The following PARP14 variants were observed in gnomAD, a reference collection of about 807,000 sequenced individuals.
PARP14 encodes the protein protein mono-ADP-ribosyltransferase PARP14.
PARP14 carries 59 observed loss-of-function variants against 154.2 expected under a neutral mutation model. The ratio of observed to expected loss-of-function variants is 0.38; its 90% CI spans 0.31 to 0.48. The LOEUF (loss-of-function observed/expected upper bound fraction) is 0.48, where lower values mean the gene tolerates loss of function less well. Among genes scored for constraint, PARP14 ranks in the 20% least tolerant of loss-of-function variants. The pLI is 0.98. For missense variants in PARP14, 1,734 were observed against 2,131.6 expected (o/e 0.81, Z 3.67); for synonymous variants, 720 against 780.5 (o/e 0.92, Z 1.29).
chr3:122,702,993 TAAA>T (rs10707029), intron 6 of PARP14, among the ~76,000 whole-genome samples: 1 of 83,948 alleles, frequency 1.2e-5, no homozygotes, highest in African/African-American at 4.5e-5. Flanking sequence ...CCCTCTCTCT[TAAA>T]AAAAAAAAAA....
At chr3:122,727,722 A>C in intron 15 of PARP14, 90 bp from the exon 16 acceptor site, 1 of 779,628 alleles carries the variant, frequency 1.3e-6, no homozygotes, top group Non-Finnish European at 2.0e-6. Flanking sequence ...GTGTGCTTTT[A>C]TTTATGAAAC....
At chr3:122,697,078 G>C (rs561259404) in intron 5 of PARP14, among the ~76,000 whole-genome samples, 3 of 152,214 alleles carry the variant, frequency 2.0e-5, no homozygotes, top group Admixed American at 1.3e-4. Context: ...TCAGCCTCCA[G>C]AGTAGCTGGG....
chr3:122,717,742 C>G (rs1933034146), intron 12 of PARP14, among the ~76,000 whole-genome samples: 1 of 152,152 alleles, frequency 6.6e-6, no homozygotes. Flanking sequence ...AGTAGAAAAG[C>G]TACTTGTGCT....
rs1268487896 is a variant in PARP14, at chr3:122,718,202, G to A, written c.4132G>A (p.Val1378Met). 2 of 1,613,636 alleles carry A rather than the reference G, an allele frequency of 1.2e-6. No homozygotes were observed. The highest frequency in any genetic ancestry group is 2.2e-5 in the East Asian group (1 of 44,874). ...TATCTTTCTGCCTCAAGTACTGGAT[G>A]TGTTTTATGCCAACATGAAGAAAAG... is the stretch of plus-strand genomic sequence containing the variant. ...VVIFLPQVLD[V>M]FYANMKKREG... The change falls in exon 13 of 17, where the codon GTG becomes ATG. Residue 1378 changes from valine to methionine, a missense_variant. Transcript: ENST00000474629.
chr3:122,726,148 A>ATATT (rs1455551779), intron 15 of PARP14, among the ~76,000 whole-genome samples: 1 of 152,152 alleles, frequency 6.6e-6, no homozygotes, highest in East Asian at 1.9e-4. Context: ...TAATTTGTTT[A>ATATT]TATTTATTTA....
intron 15 of PARP14, among the ~76,000 whole-genome samples, chr3:122,723,928 T>C (rs1252915077): frequency 6.6e-6 from 1 of 152,190 alleles, no homozygotes; most frequent in African/African-American, 2.4e-5. Flanking sequence ...TTTTGAAGAA[T>C]AAATGTTCTT....
intron 1 of PARP14, among the ~76,000 whole-genome samples, chr3:122,682,413 G>A (rs1576576965): frequency 6.6e-6 from 1 of 152,140 alleles, no homozygotes; most frequent in African/African-American, 2.4e-5. Flanking sequence ...AGAGATTCAG[G>A]TTCAGTGAAT....
At chr3:122,709,019 A>G (rs1470690170) in intron 9 of PARP14, among the ~76,000 whole-genome samples, 1 of 152,128 alleles carries the variant, frequency 6.6e-6, no homozygotes, top group Non-Finnish European at 1.5e-5. Flanking sequence ...TAAATTCTTT[A>G]AAGTTTGAAC....
chr3:122,703,298 AC>A (rs962548426), intron 6 of PARP14, among the ~76,000 whole-genome samples: 4 of 151,740 alleles, frequency 2.6e-5, no homozygotes, highest in African/African-American at 4.8e-5. Context: ...CCCCTAGTTT[AC>A]CCCCAGTGTA....
At chr3:122,691,179 A>G (rs1230559912) in intron 3 of PARP14, among the ~76,000 whole-genome samples, 2 of 152,222 alleles carry the variant, frequency 1.3e-5, no homozygotes, top group Non-Finnish European at 2.9e-5. Context: ...TACACATGTC[A>G]TTTTCCTCAT....
rs1359373092 is a variant in PARP14, at chr3:122,728,335, T to C, written c.5144T>C (p.Phe1715Ser). ...NAVAYGKGTY[F>S]AVNANYSAND... ...GTGGCATATGGAAAGGGAACCTATT[T>C]TGCTGTCAATGCCAATTATTCTGCC... is the stretch of plus-strand genomic sequence containing the variant. Residue 1715 changes from phenylalanine to serine, a missense_variant, in exon 17 of 17, where the codon TTT (phenylalanine) becomes TCT (serine). Phe to Ser is a radical substitution (Grantham distance 155). Coordinates refer to ENST00000474629, the MANE Select transcript of PARP14 (RefSeq NM_017554.3). 1.2e-6 allele frequency: 2 copies of C among 1,613,368 alleles called. No individual in the cohort carries two copies. Among genetic ancestry groups the C allele is most frequent in the Non-Finnish European group, 1.7e-6 (2 of 1,179,396 alleles).
chr3:122,712,141 T>C (rs1451593417), intron 9 of PARP14, among the ~76,000 whole-genome samples: 1 of 152,212 alleles, frequency 6.6e-6, no homozygotes, highest in Non-Finnish European at 1.5e-5. Flanking sequence ...TTCCACATCA[T>C]TTCCATCCAT....
chr3:122,724,848 G>A (rs1433311628), intron 15 of PARP14, among the ~76,000 whole-genome samples: 1 of 152,028 alleles, frequency 6.6e-6, no homozygotes, highest in Non-Finnish European at 1.5e-5. Context: ...GAGTGGTGAT[G>A]ACTCTTAAGG....
At position 122,681,195 on chromosome 3, in the gene PARP14, G is replaced by A. The variant is rs992705602; in HGVS notation, c.187+125G>A. ...GGCGGCTGCTGTAGCGGAGGTGGCC[G>A]GGGCGGGGGCGGGGGCGGGGGCGGC... On this transcript the variant is annotated intron_variant, in intron 1 of 16. Transcript: ENST00000474629. This position sits in a 1 kb window ranked among gnomAD's most constrained non-coding sequence, Gnocchi z 5.5. The A allele has an allele frequency of 3.5e-6, 2 of 578,280 alleles. No individual in the cohort carries two copies. The highest frequency in any genetic ancestry group is 2.0e-5 in the African/African-American group (1 of 51,256). The allele number at this position is 578,280 out of a possible 1,614,324, so 35.8% of individuals were successfully genotyped here. A position where few individuals can be genotyped will look rare whatever the true frequency, so the allele number is the denominator to read the frequency against.
In PARP14 at chr3:122,701,278, C is replaced by G. The variant is rs773949738; in HGVS notation, c.2724C>G (p.Ala908=). The G allele has an allele frequency of 1.9e-6, 3 of 1,613,914 alleles. No individual in the cohort carries two copies. Among genetic ancestry groups the G allele is most frequent in the East Asian group, 2.2e-5 (1 of 44,878 alleles). The change falls in exon 6 of 17, where the codon GCC becomes GCG. Residue 908 remains alanine, a synonymous_variant. Coordinates refer to ENST00000474629, the MANE Select transcript of PARP14 (RefSeq NM_017554.3). The surrounding 1 kb of genome is among the most constrained non-coding windows in gnomAD (Gnocchi z 4.0). ...RRAVQLSLCL[A]EKYKYRSIAI... ...CTGTGCAACTCAGTCTCTGTCTAGC[C>G]GAAAAATACAAGTACCGATCCATAG... is the stretch of plus-strand genomic sequence containing the variant.
At chr3:122,683,372 C>T in intron 1 of PARP14, 1 of 625,290 alleles carries the variant, frequency 1.6e-6, no homozygotes, top group Non-Finnish European at 2.0e-6. Context: ...AAGAATGAGC[C>T]CACCAGCACT....
chr3:122,708,256 A>T lies in PARP14; in HGVS notation c.3607A>T (p.Lys1203Ter). 6.4e-7 allele frequency: 1 copy of T among 1,554,042 alleles called. No homozygotes were observed. Among genetic ancestry groups the T allele is most frequent in the Admixed American group, 1.9e-5 (1 of 53,712 alleles). ...NLVSDKIPKA[K>*]DTQGFYGTVS... Reference sequence around the variant, plus strand: ...CGTCAGTGACAAAATTCCGAAGGCTAAAGATACACAAGGTTCAGTAAAGCT... The same window carrying T: ...CGTCAGTGACAAAATTCCGAAGGCTTAAGATACACAAGGTTCAGTAAAGCT... Residue 1203 changes from lysine (K) to a stop codon, truncating the protein, a stop_gained, in exon 9 of 17, where the codon AAA becomes TAA. Transcript: ENST00000474629. LOFTEE classifies it high-confidence loss of function.
chr3:122,705,345 A>G (rs1939120946), intron 8 of PARP14, among the ~76,000 whole-genome samples: 1 of 152,232 alleles, frequency 6.6e-6, no homozygotes, highest in Admixed American at 6.5e-5. Context: ...GGAGTTGACT[A>G]TAGGATTTCC....
Position 122,713,425 on chromosome 3 carries a change from T to A in PARP14, c.3621T>A (p.Gly1207=). Residue 1207 remains glycine (G), a splice_region_variant and synonymous_variant, in exon 10 of 17, where the codon GGT becomes GGA. Coordinates refer to ENST00000474629, the MANE Select transcript of PARP14 (RefSeq NM_017554.3). ...DKIPKAKDTQ[G]FYGTVSSPDS... ...TGACTTTACTTCTTTTCTTTTCAGG[T>A]TTTTATGGGACTGTTTCTAGCCCTG... 6.2e-7 allele frequency: 1 copy of A among 1,605,902 alleles called. No homozygotes were observed. Among genetic ancestry groups the A allele is most frequent in the Non-Finnish European group, 8.5e-7 (1 of 1,175,262 alleles).
Sources: allele counts gnomAD v4.1 joint callset (sites outside exome capture counted in the v4.1 genomes callset), GRCh38; gene constraint gnomAD v4.1.1; non-coding constraint Gnocchi (gnomAD v3.1); transcripts MANE v1.5; gene names NCBI Gene and HGNC (gene_info 2026-07-23, HGNC 2026-07-21).